Variants in IFT122 observed in about 807,000 individuals in gnomAD.
IFT122 encodes the protein intraflagellar transport protein 122 homolog.
In IFT122, 118 loss-of-function variants were observed where a neutral mutation model predicts 161.6. The ratio of observed to expected loss-of-function variants is 0.73; its 90% CI spans 0.63 to 0.85. IFT122 has a LOEUF of 0.85. Among genes scored for constraint, IFT122 ranks in the 40% least tolerant of loss-of-function variants. IFT122 has a pLI of 0.00. For missense variants in IFT122, 1,381 were observed against 1,579.6 expected, an observed-to-expected ratio of 0.87 and a Z score of 2.13; for synonymous variants, 550 against 602.4, an observed-to-expected ratio of 0.91 and a Z score of 1.27.
intron 14 of IFT122, among the ~76,000 whole-genome samples, chr3:129,482,493 C>T (rs543705916): frequency 6.6e-6 from 1 of 152,168 alleles, no homozygotes; most frequent in East Asian, 1.9e-4. Context: ...GATTCAGTCC[C>T]CTTACCAGGC....
At chr3:129,467,139 G>T in intron 8 of IFT122, 73 bp downstream of exon 8, 1 of 1,463,488 alleles carries the variant, frequency 6.8e-7, no homozygotes, top group Non-Finnish European at 9.4e-7. Context: ...CAGGACAGAT[G>T]TTAAACTCTT....
intron 23 of IFT122, 100 bp from the exon 24 acceptor site, chr3:129,512,212 C>G: frequency 3.6e-6 from 3 of 841,890 alleles, no homozygotes. Flanking sequence ...CAGAGCCGCT[C>G]TTGTTGATGT....
chr3:129,499,850 C>A lies in IFT122; in HGVS notation c.2209-52C>A, dbSNP rs897878733. 1.1e-5 allele frequency: 18 copies of A among 1,607,824 alleles called. No individual in the cohort carries two copies. The Admixed American group carries it at 3.0e-4, about 27-fold the overall frequency. The stretch of plus-strand genomic sequence containing the variant: ...GCTGCTAGAAAAGCCTGATGTAACG[C>A]TGGCACAGGAAGTTCTGATCCAGAG... On this transcript the variant is annotated intron_variant, in intron 18 of 29. Coordinates refer to ENST00000348417, the MANE Select transcript of IFT122 (RefSeq NM_052989.3).
intron 21 of IFT122, among the ~76,000 whole-genome samples, chr3:129,506,119 C>T (rs890471564): frequency 2.6e-5 from 4 of 152,144 alleles, no homozygotes; most frequent in Admixed American, 6.5e-5. Flanking sequence ...GCAAGTTTCA[C>T]TCTTAGACTT....
chr3:129,507,853 G>A lies in IFT122; in HGVS notation c.2886+91G>A, dbSNP rs1365233120. 1.7e-5 allele frequency: 16 copies of A among 962,054 alleles called. No individual in the cohort carries two copies. In the Admixed American group the frequency reaches 2.8e-4, roughly 17 times the overall value. The allele number at this position is 962,054 out of a possible 1,614,324, so 59.6% of individuals were successfully genotyped here. A position where few individuals can be genotyped will look rare whatever the true frequency, so the allele number is the denominator to read the frequency against. On this transcript the variant is annotated intron_variant, in intron 23 of 29. Transcript: ENST00000348417. ...TAAAGAGCAGCAGACTGGATGGAATGTAACCCACTGGTCACAGTGAACTGC... is the reference window on the plus strand; with the variant it reads ...TAAAGAGCAGCAGACTGGATGGAATATAACCCACTGGTCACAGTGAACTGC...
At chr3:129,452,113 AAGAC>A in intron 3 of IFT122, 115 bp downstream of exon 3, 2 of 796,118 alleles carry the variant, frequency 2.5e-6, no homozygotes, top group Non-Finnish European at 4.3e-6. Flanking sequence ...GCAAGTTCAG[AAGAC>A]AGTGAAGTTG....
Position 129,512,422 on chromosome 3 carries a change from C to A in IFT122, c.2987+10C>A. 1 of 1,554,682 alleles carries A rather than the reference C, an allele frequency of 6.4e-7. No individual in the cohort carries two copies. The highest frequency in any genetic ancestry group is 8.9e-7 in the Non-Finnish European group (1 of 1,125,650). ...CGGGCATCTCTAAAGTGTATCCTTT[C>A]TCTTATCCCTCCTCCGTCCCACCAC... On this transcript the variant is annotated intron_variant, in intron 24 of 29. Coordinates refer to ENST00000348417, the MANE Select transcript of IFT122 (RefSeq NM_052989.3).
chr3:129,454,517 G>T (rs896770933), intron 3 of IFT122, among the ~76,000 whole-genome samples: 1 of 131,728 alleles, frequency 7.6e-6, no homozygotes, highest in Non-Finnish European at 1.6e-5. Context: ...TCATATTTGT[G>T]TGTGTGTGTG....
intron 3 of IFT122, among the ~76,000 whole-genome samples, chr3:129,453,952 T>C (rs1473166568): frequency 6.6e-6 from 1 of 152,188 alleles, no homozygotes; most frequent in Admixed American, 6.5e-5. Context: ...CACGATTTCT[T>C]CATGTATCAA....
At chr3:129,455,800 T>C (rs1444588863) in intron 3 of IFT122, among the ~76,000 whole-genome samples, 2 of 151,988 alleles carry the variant, frequency 1.3e-5, no homozygotes, top group African/African-American at 4.8e-5. Flanking sequence ...CTAGATAAAA[T>C]GTTAATTGAG....
chr3:129,461,145 G>C, intron 4 of IFT122, 83 bp from the exon 5 acceptor site: 3 of 1,161,646 alleles, frequency 2.6e-6, no homozygotes, highest in East Asian at 4.7e-5. Flanking sequence ...AGAGGCTGTG[G>C]GCTCATTATT....
At chr3:129,456,550 T>G (rs1180123209) in intron 3 of IFT122, among the ~76,000 whole-genome samples, 1 of 152,064 alleles carries the variant, frequency 6.6e-6, no homozygotes, top group African/African-American at 2.4e-5. Context: ...GGCAGGAGAA[T>G]TGCTTGAACC....
rs2078922049 is a variant in IFT122 at position 129,483,562 on chromosome 3, C to T, written c.1731C>T (p.Asn577=). 8.1e-6 allele frequency: 13 copies of T among 1,614,156 alleles called. No homozygotes were observed. The highest frequency in any genetic ancestry group is 1.3e-5 in the African/African-American group (1 of 75,040). The change falls in exon 15 of 30, where the codon AAC becomes AAT. Residue 577 remains asparagine (N), a synonymous_variant. Coordinates refer to ENST00000348417, the MANE Select transcript of IFT122 (RefSeq NM_052989.3). ...MLCFSGGGYL[N]IKASTFPVHR... ...GCTTCTCGGGAGGAGGCTACCTCAA[C>T]ATCAAAGCCAGCACCTTCCCTGTGC...
intron 26 of IFT122, among the ~76,000 whole-genome samples, chr3:129,517,268 G>GCGCGCGCGCGCGCGCACACACACA (rs1553776447): frequency 4.3e-5 from 5 of 117,002 alleles, no homozygotes; most frequent in African/African-American, 1.6e-4. Context: ...CATTGCTCCT[G>GCGCGCGCGCGCGCGCACACACACA]CACACACACA....
intron 3 of IFT122, among the ~76,000 whole-genome samples, chr3:129,455,233 C>T (rs762730432): frequency 8.6e-5 from 13 of 151,420 alleles, no homozygotes; most frequent in Non-Finnish European, 1.3e-4. Flanking sequence ...AGTGCAGTGG[C>T]GCGATCTCGG....
chr3:129,444,548 A>T lies in IFT122; in HGVS notation c.41+4177A>T, dbSNP rs1437194662. Among the ~76,000 whole-genome samples, 3 of 151,708 alleles carry T rather than the reference A, an allele frequency of 2.0e-5. No individual in the cohort carries two copies. In the South Asian group the frequency reaches 6.2e-4, roughly 32 times the overall value. Reference sequence around the variant, plus strand: ...ACACTCTTTTTTTTTTTTGAGACAGAGTCTCGCTCTGTTGCCAGGCTGGAG... The same window carrying T: ...ACACTCTTTTTTTTTTTTGAGACAGTGTCTCGCTCTGTTGCCAGGCTGGAG... On this transcript the variant is annotated intron_variant, in intron 1 of 29. Coordinates refer to ENST00000348417, the MANE Select transcript of IFT122 (RefSeq NM_052989.3).
chr3:129,466,773 G>C, intron 7 of IFT122, 117 bp from the exon 8 acceptor site: 1 of 944,408 alleles, frequency 1.1e-6, no homozygotes, highest in South Asian at 1.3e-5. Flanking sequence ...GAAGTGCTGG[G>C]ATTACAGGCG....
intron 26 of IFT122, among the ~76,000 whole-genome samples, chr3:129,515,843 T>A (rs530496565): frequency 1.3e-3 from 196 of 152,312 alleles, no homozygotes; most frequent in African/African-American, 3.6e-3. Context: ...CGCAGGGCTT[T>A]ACATAACCAA....
At chr3:129,460,173 C>A (rs915302183) in intron 4 of IFT122, among the ~76,000 whole-genome samples, 3 of 152,290 alleles carry the variant, frequency 2.0e-5, no homozygotes, top group African/African-American at 7.2e-5. Context: ...ACTCTTTTAT[C>A]CTGCTAAACT....
Sources: allele counts gnomAD v4.1 joint callset (sites outside exome capture counted in the v4.1 genomes callset), GRCh38; gene constraint gnomAD v4.1.1; transcripts MANE v1.5; gene names NCBI Gene and HGNC (gene_info 2026-07-23, HGNC 2026-07-21).